Variants in BAZ1B observed in about 807,000 individuals in gnomAD.
The protein encoded by BAZ1B is bromodomain adjacent to zinc finger domain 1B.
A neutral mutation model predicts 153.8 loss-of-function variants in BAZ1B; 22 were observed. That is an observed-to-expected ratio of 0.14 (90% CI 0.10 to 0.20). The LOEUF (loss-of-function observed/expected upper bound fraction) is 0.20. Ranked by LOEUF, BAZ1B falls within the 10% of genes least tolerant of loss-of-function variation. BAZ1B has a pLI of 1.00. For synonymous variants in BAZ1B, 676 were observed against 633.4 expected (o/e 1.07, Z -1.01); for missense variants, 1,325 against 1,799.3 (o/e 0.74, Z 4.77).
At chr7:73,515,619 C>A (rs1790767897) in intron 1 of BAZ1B, among the ~76,000 whole-genome samples, 1 of 149,390 alleles carries the variant, frequency 6.7e-6, no homozygotes, top group Non-Finnish European at 1.5e-5. Flanking sequence ...TTCACTGCAA[C>A]CTTTGCCTCC....
At chr7:73,520,004 T>C (rs1554579873) in intron 1 of BAZ1B, among the ~76,000 whole-genome samples, 2 of 152,098 alleles carry the variant, frequency 1.3e-5, no homozygotes, top group African/African-American at 4.8e-5. Context: ...GGTCAGGAGT[T>C]TGAGACCAGC....
rs577193578 is a variant in BAZ1B at position 73,447,119 on chromosome 7, G to A, written c.3844+145C>T. On this transcript the variant is annotated intron_variant, in intron 16 of 19. Coordinates refer to ENST00000339594, the MANE Select transcript of BAZ1B (RefSeq NM_032408.4). Reference sequence around the variant, plus strand: ...ATCTTGGAAACCCATTTAAACCCATGGCAGCTAAGTTACGCCACAGTCACA... The same window carrying A: ...ATCTTGGAAACCCATTTAAACCCATAGCAGCTAAGTTACGCCACAGTCACA... The A allele has an allele frequency of 6.2e-6, 9 of 1,458,926 alleles. 1 individual carries two copies. In the South Asian group the frequency reaches 1.1e-4, roughly 18 times the overall value. The allele number at this position is 1,458,926 out of a possible 1,614,324, so 90.4% of individuals were successfully genotyped here. A position where few individuals can be genotyped will look rare whatever the true frequency, so the allele number is the denominator to read the frequency against.
chr7:73,493,643 C>T (rs1226240614), intron 4 of BAZ1B, among the ~76,000 whole-genome samples: 2 of 151,874 alleles, frequency 1.3e-5, no homozygotes. Flanking sequence ...GAGTTCGAGA[C>T]CAGCCTGGGC....
intron 5 of BAZ1B, among the ~76,000 whole-genome samples, chr7:73,491,023 C>T (rs1427745258): frequency 2.0e-5 from 3 of 151,840 alleles, no homozygotes; most frequent in Non-Finnish European, 4.4e-5. Context: ...TGCAGTGGCT[C>T]ATGCCTGTAA....
intron 13 of BAZ1B, among the ~76,000 whole-genome samples, chr7:73,456,355 A>G (rs1470221774): frequency 1.3e-5 from 2 of 152,242 alleles, no homozygotes; most frequent in Non-Finnish European, 2.9e-5. Context: ...CACTATCAAC[A>G]GAATGAAAAG....
chr7:73,514,394 G>T (rs1192696495), intron 1 of BAZ1B, among the ~76,000 whole-genome samples: 1 of 152,048 alleles, frequency 6.6e-6, no homozygotes, highest in African/African-American at 2.4e-5. Context: ...TTAGCCAGGC[G>T]TGGTGGCGTG....
At chr7:73,494,819 C>T (rs1209559083) in intron 4 of BAZ1B, among the ~76,000 whole-genome samples, 2 of 152,164 alleles carry the variant, frequency 1.3e-5, no homozygotes, top group African/African-American at 2.4e-5. Context: ...TCTTCCAGTT[C>T]GTGACCAACT....
chr7:73,479,930 G>T (rs1318825714), intron 6 of BAZ1B, among the ~76,000 whole-genome samples: 1 of 152,042 alleles, frequency 6.6e-6, no homozygotes, highest in Non-Finnish European at 1.5e-5. Flanking sequence ...AGCACTTTCG[G>T]AGGCCAAGGC....
intron 2 of BAZ1B, among the ~76,000 whole-genome samples, chr7:73,508,723 T>C (rs1456308625): frequency 6.6e-6 from 1 of 152,142 alleles, no homozygotes; most frequent in African/African-American, 2.4e-5. Flanking sequence ...TTTTAAGACT[T>C]AACTTTTGGG....
chr7:73,448,372 A>C (rs1257158128), intron 15 of BAZ1B, among the ~76,000 whole-genome samples: 1 of 152,306 alleles, frequency 6.6e-6, no homozygotes, highest in African/African-American at 2.4e-5. Context: ...CAGTGTGGAA[A>C]ACAACAGTAT....
intron 9 of BAZ1B, among the ~76,000 whole-genome samples, chr7:73,468,741 T>G (rs1022855028): frequency 2.6e-5 from 4 of 152,178 alleles, no homozygotes; most frequent in Non-Finnish European, 4.4e-5. Flanking sequence ...TTTAAGAACC[T>G]TATCTGTCTT....
At chr7:73,457,728 C>T (rs1316343879) in intron 13 of BAZ1B, among the ~76,000 whole-genome samples, 2 of 152,062 alleles carry the variant, frequency 1.3e-5, no homozygotes, top group African/African-American at 4.8e-5. Flanking sequence ...GGCTGGCCAC[C>T]AGAAAGACCA....
chr7:73,470,407 C>T lies in BAZ1B; in HGVS notation c.2670G>A (p.Gly890=). 6.8e-6 allele frequency: 11 copies of T among 1,614,128 alleles called. No individual in the cohort carries two copies. Among genetic ancestry groups the T allele is most frequent in the Non-Finnish European group, 9.3e-6 (11 of 1,180,014 alleles). ...KAAAEKAFQE[G]IAKAKLVMRR... ...GCATGACTAGTTTGGCCTTGGCAAT[C>T]CCTTCCTGGAAAGCTTTCTCAGCAG... Residue 890 remains glycine (G), a synonymous_variant, in exon 8 of 20, where the codon GGG becomes GGA. Coordinates refer to ENST00000339594, the MANE Select transcript of BAZ1B (RefSeq NM_032408.4).
chr7:73,462,020 G>A (rs942304826), intron 12 of BAZ1B, among the ~76,000 whole-genome samples: 2 of 152,190 alleles, frequency 1.3e-5, no homozygotes, highest in Non-Finnish European at 2.9e-5. Flanking sequence ...TCCTGCCTTA[G>A]CCTCCCAAAG....
chr7:73,520,447 G>C (rs781793481), intron 1 of BAZ1B, among the ~76,000 whole-genome samples: 1 of 152,104 alleles, frequency 6.6e-6, no homozygotes, highest in Non-Finnish European at 1.5e-5. Context: ...GACTTACAGG[G>C]ATGAGGTAGG....
intron 3 of BAZ1B, among the ~76,000 whole-genome samples, chr7:73,506,514 T>A (rs1326322951): frequency 1.6e-5 from 2 of 127,152 alleles, no homozygotes; most frequent in East Asian, 2.4e-4. Flanking sequence ...AAAAAAAAAA[T>A]TTAAGTAGAA....
rs1286922084 is a variant in BAZ1B, at chr7:73,443,882, G to C, written c.3990+102C>G. 20 of 1,558,740 alleles carry C rather than the reference G, an allele frequency of 1.3e-5. No homozygotes were observed. In the South Asian group the frequency reaches 1.4e-4, roughly 11 times the overall value. On this transcript the variant is annotated intron_variant, in intron 17 of 19. Transcript: ENST00000339594. Reference sequence around the variant, plus strand: ...TCCCAAGTTTGGTAAGAAGGAGGAGGGGGGAGGCTCCCCTCCCACCTGTTG... The same window carrying C: ...TCCCAAGTTTGGTAAGAAGGAGGAGCGGGGAGGCTCCCCTCCCACCTGTTG...
intron 1 of BAZ1B, 55 bp downstream of exon 1, chr7:73,521,772 G>T: frequency 7.0e-7 from 1 of 1,423,242 alleles, no homozygotes; most frequent in Non-Finnish European, 9.4e-7. Context: ...CGAGCCCCAG[G>T]CCCTACCCCG....
At chr7:73,488,700 G>C (rs577543956) in intron 6 of BAZ1B, among the ~76,000 whole-genome samples, 5 of 147,960 alleles carry the variant, frequency 3.4e-5, no homozygotes, top group African/African-American at 1.3e-4. Flanking sequence ...GGGTGACAGA[G>C]CGAGACTCCA....
Sources: allele counts gnomAD v4.1 joint callset (sites outside exome capture counted in the v4.1 genomes callset), GRCh38; gene constraint gnomAD v4.1.1; transcripts MANE v1.5; gene names NCBI Gene and HGNC (gene_info 2026-07-23, HGNC 2026-07-21).